TMEM131: variants seen among roughly 807,000 people sequenced by gnomAD.
TMEM131 encodes the protein transmembrane protein 131.
Under a neutral mutation model 211.6 loss-of-function variants are expected in TMEM131, and 66 were observed. The observed-to-expected ratio is 0.31, with a 90% confidence interval of 0.26 to 0.38. The LOEUF (loss-of-function observed/expected upper bound fraction) is 0.38. TMEM131 is among the 10% of genes least tolerant of loss of function. The probability of loss-of-function intolerance (pLI) is 1.00; values close to 1 mark genes in which losing one functional copy is unlikely to be tolerated. For synonymous variants in TMEM131, 844 were observed against 841.3 expected, an observed-to-expected ratio of 1.00 and a Z score of -0.06; for missense variants, 2,036 against 2,299.3, an observed-to-expected ratio of 0.89 and a Z score of 2.34.
chr2:97,793,057 T>G, intron 30 of TMEM131, 73 bp from the exon 31 acceptor site: 1 of 1,104,560 alleles, frequency 9.1e-7, no homozygotes, highest in Non-Finnish European at 1.3e-6. Flanking sequence ...AACTTCAACT[T>G]CATCAGTACA....
intron 25 of TMEM131, among the ~76,000 whole-genome samples, chr2:97,798,736 C>T (rs758893032): frequency 7.2e-5 from 11 of 152,230 alleles, no homozygotes; most frequent in Non-Finnish European, 1.6e-4. Flanking sequence ...TGTATGCGTG[C>T]GTCAGCACAG....
chr2:97,950,669 A>C (rs1678270953), intron 1 of TMEM131, among the ~76,000 whole-genome samples: 1 of 152,040 alleles, frequency 6.6e-6, no homozygotes, highest in Admixed American at 6.6e-5. Context: ...CTCAGAAATC[A>C]TGTAGAAGTT....
chr2:97,811,366 T>A (rs1413029718), intron 17 of TMEM131, 134 bp from the exon 18 acceptor site: 1 of 682,662 alleles, frequency 1.5e-6, no homozygotes. Context: ...AATTACCATA[T>A]CACTGTGTAC....
At chr2:97,791,275 C>T (rs1680486534) in intron 31 of TMEM131, among the ~76,000 whole-genome samples, 1 of 152,190 alleles carries the variant, frequency 6.6e-6, no homozygotes, top group Non-Finnish European at 1.5e-5. Context: ...TATTTATGCC[C>T]TTGCGCGGTT....
intron 2 of TMEM131, among the ~76,000 whole-genome samples, chr2:97,926,623 T>C (rs1384171981): frequency 1.1e-4 from 17 of 152,182 alleles, no homozygotes; most frequent in Admixed American, 3.3e-4. Context: ...AAATTACCTT[T>C]GCCACAGAAT....
At chr2:97,816,886 T>C (rs1322702018) in intron 12 of TMEM131, among the ~76,000 whole-genome samples, 3 of 152,154 alleles carry the variant, frequency 2.0e-5, no homozygotes, top group Non-Finnish European at 4.4e-5. Context: ...ATTCTAACAA[T>C]ATTAAAAGTT....
intron 1 of TMEM131, among the ~76,000 whole-genome samples, chr2:97,976,680 T>A (rs1048310821): frequency 2.6e-5 from 4 of 152,122 alleles, no homozygotes; most frequent in South Asian, 4.1e-4. Context: ...TAATGAAATG[T>A]GAAGGATCTT....
intron 11 of TMEM131, among the ~76,000 whole-genome samples, chr2:97,832,920 G>A (rs1213233078): frequency 6.6e-6 from 1 of 152,200 alleles, no homozygotes; most frequent in Non-Finnish European, 1.5e-5. Context: ...CCTGTGACAA[G>A]TGTTAACAGC....
chr2:97,982,312 T>A (rs1679833703), intron 1 of TMEM131, among the ~76,000 whole-genome samples: 1 of 152,174 alleles, frequency 6.6e-6, no homozygotes. Context: ...TTATTATATA[T>A]CTTTATTAGG....
chr2:97,916,743 G>C (rs1329930814), intron 2 of TMEM131, among the ~76,000 whole-genome samples: 1 of 152,162 alleles, frequency 6.6e-6, no homozygotes, highest in African/African-American at 2.4e-5. Context: ...TTAGGCCTCA[G>C]AGTCAAATGC....
intron 27 of TMEM131, 50 bp downstream of exon 27, chr2:97,796,794 T>A (rs747074941): frequency 6.3e-7 from 1 of 1,580,646 alleles, no homozygotes; most frequent in Non-Finnish European, 8.6e-7. Flanking sequence ...TATTTACTGT[T>A]GAAAGCAAAT....
chr2:97,954,918 G>A (rs1678497026), intron 1 of TMEM131, among the ~76,000 whole-genome samples: 1 of 150,456 alleles, frequency 6.6e-6, no homozygotes, highest in South Asian at 2.1e-4. Context: ...AAAAGAATTA[G>A]GGCCAATTTT....
chr2:97,929,559 G>A (rs1677133384), intron 1 of TMEM131, among the ~76,000 whole-genome samples: 1 of 151,822 alleles, frequency 6.6e-6, no homozygotes, highest in Admixed American at 6.5e-5. Flanking sequence ...TAGTTAATTA[G>A]ATTACATTAC....
intron 11 of TMEM131, among the ~76,000 whole-genome samples, chr2:97,832,743 TG>T (rs1218578070): frequency 6.6e-6 from 1 of 152,226 alleles, no homozygotes; most frequent in Non-Finnish European, 1.5e-5. Flanking sequence ...AGAGACGTTG[TG>T]GGCCAAGGCA....
rs139174469 is a variant in TMEM131 at position 97,807,751 on chromosome 2, C to A, written c.2055+1937G>T. ...GTCTTCTGAACTGAACTTTTCCCTG[C>A]CAGAGTTTACGCAGAGATTAAGGAC... On this transcript the variant is annotated intron_variant, in intron 19 of 40. Transcript: ENST00000186436. 5.9e-5 allele frequency among the ~76,000 whole-genome samples: 9 copies of A among 152,234 alleles called. No individual in the cohort carries two copies. In the East Asian group the frequency reaches 1.7e-3, roughly 29 times the overall value.
In TMEM131 at chr2:97,796,303, ATCCACTGATTTCAATGGTT is replaced by A; in HGVS notation, c.3096_3114del (p.Glu1032AspfsTer19). ...TTAAAGCCATATCCTTCACATGAGTATCCACTGATTTCAATGGTTTCTATGTGAATTTGAAGTTGTCCTG... is the reference window on the plus strand; with the variant it reads ...TTAAAGCCATATCCTTCACATGAGTATCTATGTGAATTTGAAGTTGTCCTG... On this transcript the variant is annotated frameshift_variant, in exon 28 of 41. Coordinates refer to ENST00000186436, the MANE Select transcript of TMEM131 (RefSeq NM_015348.2). LOFTEE classifies it high-confidence loss of function. 1 of 1,565,712 alleles carries A rather than the reference ATCCACTGATTTCAATGGTT, an allele frequency of 6.4e-7. No homozygotes were observed. The highest frequency in any genetic ancestry group is 8.7e-7 in the Non-Finnish European group (1 of 1,155,108).
intron 11 of TMEM131, among the ~76,000 whole-genome samples, chr2:97,826,301 G>T (rs187940030): frequency 6.6e-6 from 1 of 152,204 alleles, no homozygotes; most frequent in Non-Finnish European, 1.5e-5. Flanking sequence ...AAGAATAAAT[G>T]TGTGTATACA....
At chr2:97,912,014 C>A (rs1676310933) in intron 2 of TMEM131, among the ~76,000 whole-genome samples, 1 of 152,088 alleles carries the variant, frequency 6.6e-6, no homozygotes, top group Admixed American at 6.6e-5. Context: ...ATAAACTCAA[C>A]TGTTTATATA....
Position 97,758,997 on chromosome 2 carries a change from A to G in TMEM131, c.5263T>C (p.Trp1755Arg). The change falls in exon 40 of 41, where the codon TGG becomes CGG. Residue 1755 changes from tryptophan to arginine, a missense_variant. By Grantham distance (101) the Trp-to-Arg change is moderately radical (BLOSUM62 -3). Transcript: ENST00000186436. ...RSCNQASQRS[W>R]NEFNSGPSYL... ...GAAGGGCCACTATTAAACTCGTTCCAGCTCCTCTGTGAGGCCTGATTGCAC... is the reference window on the plus strand; with the variant it reads ...GAAGGGCCACTATTAAACTCGTTCCGGCTCCTCTGTGAGGCCTGATTGCAC... 1 of 1,614,072 alleles carries G rather than the reference A, an allele frequency of 6.2e-7. No individual in the cohort carries two copies. The highest frequency in any genetic ancestry group is 8.5e-7 in the Non-Finnish European group (1 of 1,179,900).
Sources: allele counts gnomAD v4.1 joint callset (sites outside exome capture counted in the v4.1 genomes callset), GRCh38; gene constraint gnomAD v4.1.1; transcripts MANE v1.5; gene names NCBI Gene and HGNC (gene_info 2026-07-23, HGNC 2026-07-21).